PIK3R5: variants seen among roughly 807,000 people sequenced by gnomAD.
PIK3R5 encodes the protein phosphoinositide-3-kinase regulatory subunit 5.
PIK3R5 carries 32 observed loss-of-function variants against 94.9 expected under a neutral mutation model. That is an observed-to-expected ratio of 0.34 (90% confidence interval 0.25 to 0.45). The LOEUF is 0.45. Among genes scored for constraint, PIK3R5 ranks in the 20% least tolerant of loss-of-function variants. The pLI is 1.00. For missense variants in PIK3R5, 853 were observed against 1,144.6 expected (o/e 0.75, Z 3.68); for synonymous variants, 443 against 479.4 (o/e 0.92, Z 0.99).
In PIK3R5 at chr17:8,930,284, T is replaced by C. The variant is rs554083104; in HGVS notation, c.-13-18777A>G. 2.6e-5 allele frequency among the ~76,000 whole-genome samples: 4 copies of C among 152,160 alleles called. No individual in the cohort carries two copies. The South Asian group carries it at 8.3e-4, about 32-fold the overall frequency. Reference sequence around the variant, plus strand: ...ATGGAATCAAACTAGCAATCAATAATAGAAAGATCACAGAAAAATCTCCAA... The same window carrying C: ...ATGGAATCAAACTAGCAATCAATAACAGAAAGATCACAGAAAAATCTCCAA... On this transcript the variant is annotated intron_variant, in intron 1 of 18. Coordinates refer to ENST00000447110, the MANE Select transcript of PIK3R5 (RefSeq NM_001142633.3).
At chr17:8,891,597 CTT>C (rs564434517) in intron 6 of PIK3R5, among the ~76,000 whole-genome samples, 1,693 of 140,528 alleles carry the variant, frequency 0.012, 31 homozygotes, top group African/African-American at 0.042. Context: ...GAACCTTTCT[CTT>C]TTTTTTTTTT....
chr17:8,905,123 A>C (rs1181427385), intron 4 of PIK3R5, among the ~76,000 whole-genome samples: 1 of 109,996 alleles, frequency 9.1e-6, no homozygotes, highest in Non-Finnish European at 1.9e-5. Flanking sequence ...GGGTGTCTCT[A>C]CTGGGAGGGA....
chr17:8,939,863 G>A (rs1890955616), intron 1 of PIK3R5, among the ~76,000 whole-genome samples: 1 of 152,020 alleles, frequency 6.6e-6, no homozygotes, highest in Non-Finnish European at 1.5e-5. Flanking sequence ...GGTGTGAGAA[G>A]GGGTCACCTT....
At chr17:8,916,437 A>G (rs1487760431) in intron 1 of PIK3R5, 1 of 151,490 alleles carries the variant, frequency 6.6e-6, no homozygotes, top group Non-Finnish European at 1.5e-5. Flanking sequence ...TGTTGAGAGG[A>G]GCTCCCATTG....
Position 8,884,652 on chromosome 17 carries a change from G to A in PIK3R5, c.2205+55C>T. 1.4e-6 allele frequency: 2 copies of A among 1,398,756 alleles called. No homozygotes were observed. The highest frequency in any genetic ancestry group is 2.3e-5 in the South Asian group (2 of 85,736). The allele number at this position is 1,398,756 out of a possible 1,614,324, so 86.6% of individuals were successfully genotyped here. ...CCAGCTCTGGGTCCAAGCTCTGGCG[G>A]AGGAAGTATCAGCAGCAGATCCTGG... is the stretch of plus-strand genomic sequence containing the variant. On this transcript the variant is annotated intron_variant, in intron 15 of 18. Coordinates refer to ENST00000447110, the MANE Select transcript of PIK3R5 (RefSeq NM_001142633.3). This position sits in a 1 kb window ranked among gnomAD's most constrained non-coding sequence, Gnocchi z 5.8.
chr17:8,918,328 TAA>T (rs1354409458), intron 1 of PIK3R5, among the ~76,000 whole-genome samples: 1 of 151,944 alleles, frequency 6.6e-6, no homozygotes, highest in Non-Finnish European at 1.5e-5. Context: ...TGCCAGAAAA[TAA>T]GTCAATATTT....
rs540270770 is a variant in PIK3R5 at position 8,888,285 on chromosome 17, C to T, written c.1502G>A (p.Arg501His). ...ATCTCCACTCAGGAAGGGGCGGCGGCGCTGGGGGCGTGAAGCAGGGGCCAG... is the reference window on the plus strand; with the variant it reads ...ATCTCCACTCAGGAAGGGGCGGCGGTGCTGGGGGCGTGAAGCAGGGGCCAG... ...WLLAPASRPQ[R>H]RRPFLSGDED... The change falls in exon 10 of 19, where the codon CGC becomes CAC. Residue 501 changes from arginine (R) to histidine (H), a missense_variant. Arg to His is a conservative substitution (Grantham distance 29). Around this residue, in one of 6 missense-constraint regions of PIK3R5, gnomAD observed 319 missense variants for 339.8 expected, o/e 0.94. Coordinates refer to ENST00000447110, the MANE Select transcript of PIK3R5 (RefSeq NM_001142633.3). This position sits in a 1 kb window ranked among gnomAD's most constrained non-coding sequence, Gnocchi z 7.8. 1.6e-5 allele frequency: 26 copies of T among 1,613,192 alleles called. No individual in the cohort carries two copies. The East Asian group carries it at 2.5e-4, about 15-fold the overall frequency.
Position 8,887,545 on chromosome 17 carries a change from G to A in PIK3R5, c.1755C>T (p.Asp585=), listed in dbSNP as rs1483492942. 5 of 1,607,792 alleles carry A rather than the reference G, an allele frequency of 3.1e-6. No individual in the cohort carries two copies. Among genetic ancestry groups the A allele is most frequent in the Middle Eastern group, 3.3e-4 (2 of 6,056 alleles). ...CTCCAGGGCTGGCGTGCCTAGGGGA[G>A]TCTGTCGGGGGTGAGGGCGTCTGGC... is the stretch of plus-strand genomic sequence containing the variant. ...PRSQTPSPPT[D]SPRHASPGEL... The change falls in exon 11 of 19, where the codon GAC becomes GAT. Residue 585 remains aspartate, a synonymous_variant. Coordinates refer to ENST00000447110, the MANE Select transcript of PIK3R5 (RefSeq NM_001142633.3).
At chr17:8,899,700 A>G (rs1385520759) in intron 5 of PIK3R5, among the ~76,000 whole-genome samples, 1 of 152,104 alleles carries the variant, frequency 6.6e-6, no homozygotes, top group East Asian at 1.9e-4. Flanking sequence ...TCTCCACTTA[A>G]CTGGGGGTGG....
In PIK3R5 at chr17:8,884,620, C is replaced by T; in HGVS notation, c.2205+87G>A. On this transcript the variant is annotated intron_variant, in intron 15 of 18. Coordinates refer to ENST00000447110, the MANE Select transcript of PIK3R5 (RefSeq NM_001142633.3). The surrounding 1 kb of genome is among the most constrained non-coding windows in gnomAD (Gnocchi z 5.8). ...GCGTAAAGACTGGGGCCCAGGAACA[C>T]ACGAGTCCAGCTCTGGGTCCAAGCT... is the stretch of plus-strand genomic sequence containing the variant. The T allele has an allele frequency of 9.5e-7, 1 of 1,051,576 alleles. No homozygotes were observed. The highest frequency in any genetic ancestry group is 1.5e-6 in the Non-Finnish European group (1 of 686,606). 65.1% of individuals were successfully genotyped at this position (1,051,576 alleles called of 1,614,324 possible). A position where few individuals can be genotyped will look rare whatever the true frequency, so the allele number is the denominator to read the frequency against.
In PIK3R5 at chr17:8,905,675, A is replaced by G; in HGVS notation, c.267T>C (p.Val89=). ...CTGGCCCACGTGGACTTACACAAAGAACAGTGGAATAGAAGAGCAGGGCCA... is the reference window on the plus strand; with the variant it reads ...CTGGCCCACGTGGACTTACACAAAGGACAGTGGAATAGAAGAGCAGGGCCA... The part of the protein sequence containing the change: ...TPLALLFYST[V]LCTPHFPPDS... Residue 89 remains valine, a synonymous_variant, in exon 4 of 19, where the codon GTT becomes GTC. Coordinates refer to ENST00000447110, the MANE Select transcript of PIK3R5 (RefSeq NM_001142633.3). The G allele has an allele frequency of 6.2e-7, 1 of 1,602,686 alleles. No individual in the cohort carries two copies. The highest frequency in any genetic ancestry group is 8.5e-7 in the Non-Finnish European group (1 of 1,174,672).
At chr17:8,918,340 T>C (rs1334085781) in intron 1 of PIK3R5, among the ~76,000 whole-genome samples, 1 of 152,162 alleles carries the variant, frequency 6.6e-6, no homozygotes, top group Non-Finnish European at 1.5e-5. Context: ...AGTCAATATT[T>C]GAAAAACCAT....
intron 1 of PIK3R5, among the ~76,000 whole-genome samples, chr17:8,958,216 A>AGCCCC (rs1462033233): frequency 6.6e-6 from 1 of 151,724 alleles, no homozygotes; most frequent in Non-Finnish European, 1.5e-5. Context: ...GGGCTGAGGC[A>AGCCCC]TGAGAATTGT....
chr17:8,916,697 C>A (rs2090637693), intron 1 of PIK3R5: 1 of 152,414 alleles, frequency 6.6e-6, no homozygotes, highest in African/African-American at 2.4e-5. Flanking sequence ...CCTGCTTCCA[C>A]TTTTTCTTCC....
At chr17:8,950,039 C>A (rs2091348912) in intron 1 of PIK3R5, among the ~76,000 whole-genome samples, 1 of 152,178 alleles carries the variant, frequency 6.6e-6, no homozygotes. Flanking sequence ...GAACCACCAG[C>A]AGCCAATAGG....
chr17:8,930,011 C>T (rs1336282467), intron 1 of PIK3R5, among the ~76,000 whole-genome samples: 1 of 152,236 alleles, frequency 6.6e-6, no homozygotes, highest in Non-Finnish European at 1.5e-5. Flanking sequence ...CAGCATCCTT[C>T]TCTCAACCAC....
intron 1 of PIK3R5, among the ~76,000 whole-genome samples, chr17:8,957,164 C>G (rs1402504226): frequency 6.6e-6 from 1 of 152,184 alleles, no homozygotes; most frequent in Non-Finnish European, 1.5e-5. Context: ...GAACTACAGG[C>G]TCTTTAAAAA....
intron 1 of PIK3R5, among the ~76,000 whole-genome samples, chr17:8,956,345 G>A (rs2091466404): frequency 1.5e-5 from 2 of 130,648 alleles, no homozygotes; most frequent in Admixed American, 1.4e-4. Flanking sequence ...GAGGTCTGAA[G>A]AGGGACTCAT....
intron 1 of PIK3R5, among the ~76,000 whole-genome samples, chr17:8,932,393 C>A (rs562193312): frequency 5.1e-4 from 77 of 152,242 alleles, no homozygotes; most frequent in Non-Finnish European, 7.6e-4. Context: ...CACTACCATG[C>A]CCAGCTGATT....
Sources: allele counts gnomAD v4.1 joint callset (sites outside exome capture counted in the v4.1 genomes callset), GRCh38; gene constraint gnomAD v4.1.1; regional missense constraint gnomAD v4.1.1; non-coding constraint Gnocchi (gnomAD v3.1); transcripts MANE v1.5; gene names NCBI Gene and HGNC (gene_info 2026-07-23, HGNC 2026-07-21).